The following POLR1A variants were observed in gnomAD, a reference collection of about 807,000 sequenced individuals.
The protein encoded by POLR1A is DNA-directed RNA polymerase I subunit RPA1.
A neutral mutation model predicts 205.3 loss-of-function variants in POLR1A; 84 were observed. The ratio of observed to expected loss-of-function variants is 0.41; its 90% confidence interval spans 0.34 to 0.49. The LOEUF (loss-of-function observed/expected upper bound fraction) is 0.49, where lower values mean the gene tolerates loss of function less well. Among genes scored for constraint, POLR1A ranks in the 20% least tolerant of loss-of-function variants. POLR1A has a pLI of 0.22. For missense variants in POLR1A, 1,645 were observed against 2,204.5 expected (o/e 0.75, Z 5.08); for synonymous variants, 799 against 863.7 (o/e 0.93, Z 1.31).
At chr2:86,069,932 A>G (rs1451187990) in intron 13 of POLR1A, 86 bp downstream of exon 13, 19 of 1,449,446 alleles carry the variant, frequency 1.3e-5, no homozygotes, top group Non-Finnish European at 1.5e-5. Flanking sequence ...GAGCTGCCCA[A>G]TGACCCCAGG....
At chr2:86,065,237 C>T in intron 14 of POLR1A, 37 bp downstream of exon 14, 1 of 1,581,122 alleles carries the variant, frequency 6.3e-7, no homozygotes, top group Non-Finnish European at 8.6e-7. Flanking sequence ...GGCCTATTTC[C>T]TTTTGTTACA....
At position 86,031,584 on chromosome 2, in the gene POLR1A, C is replaced by T. The variant is rs765131837; in HGVS notation, c.4324G>A (p.Asp1442Asn). The change falls in exon 30 of 34, where the codon GAT becomes AAT. Residue 1442 changes from aspartate to asparagine, a missense_variant. By Grantham distance (23) the Asp-to-Asn change is conservative. Coordinates refer to ENST00000263857, the MANE Select transcript of POLR1A (RefSeq NM_015425.6). ...TTTCGTTCCTCCTGCATGTCTTCATCGTCGTTCTCCTCGCCCTCCCTCTCC... is the reference window on the plus strand; with the variant it reads ...TTTCGTTCCTCCTGCATGTCTTCATTGTCGTTCTCCTCGCCCTCCCTCTCC... The part of the protein sequence containing the change: ...EEEREGEEND[D>N]EDMQEERNPH... 26 of 1,613,636 alleles carry T rather than the reference C, an allele frequency of 1.6e-5. 1 individual carries two copies. The highest frequency in any genetic ancestry group is 4.0e-5 in the African/African-American group (3 of 74,908).
intron 16 of POLR1A, among the ~76,000 whole-genome samples, chr2:86,052,338 G>C (rs558903393): frequency 2.2e-4 from 33 of 152,326 alleles, no homozygotes; most frequent in African/African-American, 7.7e-4. Flanking sequence ...AGGGAATGGG[G>C]TTGTAAGAGT....
chr2:86,089,349 C>T (rs1181107418), intron 4 of POLR1A, among the ~76,000 whole-genome samples: 1 of 152,220 alleles, frequency 6.6e-6, no homozygotes, highest in Non-Finnish European at 1.5e-5. Context: ...TTGGACCCTA[C>T]CCCAGACCAA....
At chr2:86,045,594 A>C in intron 20 of POLR1A, 23 bp downstream of exon 20, 1 of 1,613,844 alleles carries the variant, frequency 6.2e-7, no homozygotes, top group Non-Finnish European at 8.5e-7. Flanking sequence ...GAAAAAGCTA[A>C]ATGGAAAAAC....
At chr2:86,047,049 C>A in intron 19 of POLR1A, 116 bp downstream of exon 19, 2 of 664,146 alleles carry the variant, frequency 3.0e-6, no homozygotes, top group Non-Finnish European at 5.4e-6. Flanking sequence ...GATTTCTACA[C>A]GCTTTCCTCT....
chr2:86,105,765 G>A lies in POLR1A; in HGVS notation c.12C>T (p.Ser4=). 3 of 1,613,962 alleles carry A rather than the reference G, an allele frequency of 1.9e-6. No homozygotes were observed. The highest frequency in any genetic ancestry group is 2.5e-6 in the Non-Finnish European group (3 of 1,179,820). MLI[S]KNMPWRRLQG... ...GCAGCCGCCGCCAGGGCATGTTCTT[G>A]GAGATCAACATCCTCCAGGTCCGTT... The change falls in exon 1 of 34, where the codon TCC becomes TCT. Residue 4 remains serine, a synonymous_variant. Transcript: ENST00000263857.
At chr2:86,033,602 C>G (rs1461531377) in intron 28 of POLR1A, 59 bp downstream of exon 28, 2 of 1,581,580 alleles carry the variant, frequency 1.3e-6, no homozygotes, top group Non-Finnish European at 1.7e-6. Context: ...AGGCACAGAG[C>G]CTGCCCAGTC....
At chr2:86,061,253 C>G (rs1240093173) in intron 14 of POLR1A, among the ~76,000 whole-genome samples, 2 of 152,140 alleles carry the variant, frequency 1.3e-5, no homozygotes, top group Non-Finnish European at 2.9e-5. Flanking sequence ...TTGAGACCAG[C>G]CTGTCTAACA....
chr2:86,075,972 C>T (rs1391221554), intron 11 of POLR1A, among the ~76,000 whole-genome samples: 2 of 152,224 alleles, frequency 1.3e-5, no homozygotes, highest in Admixed American at 1.3e-4. Flanking sequence ...CATCATGGTG[C>T]TGTCCCTGAG....
chr2:86,068,386 C>CGGGGCG (rs1553436019), intron 13 of POLR1A, among the ~76,000 whole-genome samples: 3 of 12,240 alleles, frequency 2.5e-4, no homozygotes, highest in African/African-American at 1.3e-3. Flanking sequence ...AGCACATGGG[C>CGGGGCG]GGGGGGGGGG....
intron 31 of POLR1A, among the ~76,000 whole-genome samples, chr2:86,029,367 A>C (rs1441858289): frequency 6.6e-6 from 1 of 152,014 alleles, no homozygotes; most frequent in Non-Finnish European, 1.5e-5. Flanking sequence ...AGAGGGCCCC[A>C]GTTCCTCAGT....
intron 13 of POLR1A, among the ~76,000 whole-genome samples, chr2:86,069,547 G>T (rs932036582): frequency 1.3e-5 from 2 of 152,210 alleles, no homozygotes; most frequent in Admixed American, 1.3e-4. Flanking sequence ...AGGATTCAAA[G>T]GGGACAGAAG....
chr2:86,080,419 C>T (rs1370620215), intron 9 of POLR1A, among the ~76,000 whole-genome samples: 1 of 152,174 alleles, frequency 6.6e-6, no homozygotes, highest in Non-Finnish European at 1.5e-5. Flanking sequence ...AGTACTGTGA[C>T]CCAAAAGGGA....
intron 26 of POLR1A, 83 bp from the exon 27 acceptor site, chr2:86,038,940 GT>G: frequency 7.7e-7 from 1 of 1,292,110 alleles, no homozygotes; most frequent in Non-Finnish European, 1.1e-6. Flanking sequence ...AGACCCAAGG[GT>G]TTACAGAGAT....
intron 9 of POLR1A, among the ~76,000 whole-genome samples, chr2:86,080,220 C>T (rs1673374967): frequency 6.6e-6 from 1 of 152,150 alleles, no homozygotes; most frequent in South Asian, 2.1e-4. Context: ...CAGCAAGCTT[C>T]CTGGGTGCCC....
rs903150768 is a variant in POLR1A at position 86,098,602 on chromosome 2, C to T, written c.432+9G>A. On this transcript the variant is annotated intron_variant, in intron 3 of 33. Transcript: ENST00000263857. ...TTTCTGATTTCTGTGACCACCACTA[C>T]CCACCTACCCTGTTCAGAATTCTCT... The T allele has an allele frequency of 3.1e-6, 5 of 1,611,510 alleles. No individual in the cohort carries two copies. In the African/African-American group the frequency reaches 5.4e-5, roughly 17 times the overall value.
intron 3 of POLR1A, among the ~76,000 whole-genome samples, chr2:86,094,075 G>C (rs1673658274): frequency 6.6e-6 from 1 of 152,186 alleles, no homozygotes; most frequent in Non-Finnish European, 1.5e-5. Flanking sequence ...TCTTTCAACT[G>C]GTCCCATCAG....
Position 86,038,769 on chromosome 2 carries a change from A to G in POLR1A, c.3965T>C (p.Leu1322Pro). Reference protein sequence around the residue: ...FQVYQLRFQFLPHAYYQQEKC... With the variant: ...FQVYQLRFQFPPHAYYQQEKC... ...CTCCTGCTGGTAATATGCATGTGGCAGGAACTGAAACCGCAGCTGGTACAC... is the reference window on the plus strand; with the variant it reads ...CTCCTGCTGGTAATATGCATGTGGCGGGAACTGAAACCGCAGCTGGTACAC... The change falls in exon 27 of 34, where the codon CTG becomes CCG. Residue 1322 changes from leucine to proline, a missense_variant. Leu to Pro is a moderately conservative substitution (Grantham distance 98). Around this residue, in one of 16 missense-constraint regions of POLR1A, gnomAD observed 394 missense variants for 468.5 expected, o/e 0.84. Coordinates refer to ENST00000263857, the MANE Select transcript of POLR1A (RefSeq NM_015425.6). 6.2e-7 allele frequency: 1 copy of G among 1,614,068 alleles called. No homozygotes were observed.
Sources: allele counts gnomAD v4.1 joint callset (sites outside exome capture counted in the v4.1 genomes callset), GRCh38; gene constraint gnomAD v4.1.1; regional missense constraint gnomAD v4.1.1; transcripts MANE v1.5; gene names NCBI Gene and HGNC (gene_info 2026-07-23, HGNC 2026-07-21).